The following CD44 variants were observed in gnomAD, a reference collection of about 807,000 sequenced individuals.
CD44 encodes the protein CD44 antigen.
A neutral mutation model predicts 88.8 loss-of-function variants in CD44; 49 were observed. That is an observed-to-expected ratio of 0.55 (90% CI 0.44 to 0.70). CD44 has a LOEUF of 0.70. Among genes scored for constraint, CD44 ranks in the 30% least tolerant of loss-of-function variants. The probability of loss-of-function intolerance (pLI) is 0.00; values close to 1 mark genes in which losing one functional copy is unlikely to be tolerated. For missense variants in CD44, 883 were observed against 913.8 expected (o/e 0.97, Z 0.43); for synonymous variants, 325 against 312.3 (o/e 1.04, Z -0.43).
chr11:35,141,861 G>A (rs1357439022), intron 1 of CD44, among the ~76,000 whole-genome samples: 2 of 152,196 alleles, frequency 1.3e-5, no homozygotes, highest in Admixed American at 1.3e-4. Context: ...TGTGGGTGGC[G>A]AAGGGGAGAA....
chr11:35,171,331 G>A (rs1943861417), intron 1 of CD44, among the ~76,000 whole-genome samples: 1 of 152,214 alleles, frequency 6.6e-6, no homozygotes, highest in African/African-American at 2.4e-5. Context: ...CACCATTCTT[G>A]CAACTCCTAA....
chr11:35,155,980 A>G (rs1438651202), intron 1 of CD44, among the ~76,000 whole-genome samples: 1 of 152,186 alleles, frequency 6.6e-6, no homozygotes, highest in Non-Finnish European at 1.5e-5. Flanking sequence ...CAAGGTTATG[A>G]AAGGTCAAGA....
At chr11:35,184,115 G>A (rs764282456) in intron 3 of CD44, among the ~76,000 whole-genome samples, 4 of 152,046 alleles carry the variant, frequency 2.6e-5, no homozygotes, top group Non-Finnish European at 5.9e-5. Flanking sequence ...GCAGTACAGA[G>A]CTCATTAAAT....
intron 14 of CD44, among the ~76,000 whole-genome samples, chr11:35,212,375 G>C (rs1948470398): frequency 6.6e-6 from 1 of 151,898 alleles, no homozygotes; most frequent in Non-Finnish European, 1.5e-5. Context: ...AGAAAAAGAA[G>C]AATTCATATG....
At chr11:35,225,380 C>T (rs1281546856) in intron 17 of CD44, among the ~76,000 whole-genome samples, 3 of 152,146 alleles carry the variant, frequency 2.0e-5, no homozygotes, top group Non-Finnish European at 4.4e-5. Context: ...GCCAGCCTGC[C>T]CTCTCTTTCC....
chr11:35,153,417 C>A (rs957933412), intron 1 of CD44, among the ~76,000 whole-genome samples: 10 of 152,226 alleles, frequency 6.6e-5, no homozygotes, highest in African/African-American at 2.4e-4. Context: ...TTTTTTTATC[C>A]TTTTTGACTT....
At chr11:35,195,696 A>G (rs1015654311) in intron 5 of CD44, among the ~76,000 whole-genome samples, 3 of 151,960 alleles carry the variant, frequency 2.0e-5, no homozygotes, top group Admixed American at 2.0e-4. Context: ...ATTTTTGGGC[A>G]TTATTGGTTA....
chr11:35,227,191 C>G (rs1349419117), intron 17 of CD44, among the ~76,000 whole-genome samples: 1 of 151,244 alleles, frequency 6.6e-6, no homozygotes, highest in Non-Finnish European at 1.5e-5. Flanking sequence ...TGCCTGGTCT[C>G]TTTTTCTTTT....
intron 7 of CD44, chr11:35,198,670 T>C (rs1946993600): frequency 6.4e-6 from 1 of 155,722 alleles, no homozygotes; most frequent in Non-Finnish European, 1.4e-5. Context: ...AAGAATGTGA[T>C]GAGGAGGGTA....
chr11:35,148,723 C>T (rs1485215909), intron 1 of CD44, among the ~76,000 whole-genome samples: 3 of 152,210 alleles, frequency 2.0e-5, no homozygotes, highest in South Asian at 2.1e-4. Flanking sequence ...TAGCCCTGAG[C>T]GGTCAGCACA....
intron 11 of CD44, among the ~76,000 whole-genome samples, chr11:35,206,593 G>T (rs530728332): frequency 6.6e-6 from 1 of 150,412 alleles, no homozygotes; most frequent in African/African-American, 2.4e-5. Context: ...ATCACAGAAA[G>T]GTGAATTGGA....
In CD44 at chr11:35,222,240, C is replaced by A. The variant is rs552887110; in HGVS notation, c.2024+508C>A. The stretch of plus-strand genomic sequence containing the variant: ...TGTAGCCTCTCTGAGGCCCAGGGAA[C>A]CTTTAAGAACTTTTACCAGAAGGAA... On this transcript the variant is annotated intron_variant, in intron 17 of 17. Coordinates refer to ENST00000428726, the MANE Select transcript of CD44 (RefSeq NM_000610.4). The A allele has an allele frequency of 1.6e-5, 6 of 384,764 alleles. No homozygotes were observed. The East Asian group carries it at 2.5e-4, about 16-fold the overall frequency. The allele number at this position is 384,764 out of a possible 1,614,324, so 23.8% of individuals were successfully genotyped here.
intron 14 of CD44, among the ~76,000 whole-genome samples, chr11:35,212,396 T>G (rs1948474784): frequency 6.7e-6 from 1 of 148,614 alleles, no homozygotes; most frequent in South Asian, 2.1e-4. Flanking sequence ...TGTGCATATA[T>G]ATATAATTTT....
intron 4 of CD44, among the ~76,000 whole-genome samples, chr11:35,187,440 A>AT (rs1001125553): frequency 1.2e-4 from 18 of 151,684 alleles, no homozygotes; most frequent in African/African-American, 4.8e-5. Flanking sequence ...CCACTTTCAC[A>AT]TTTTTTTTGG....
At chr11:35,214,971 C>T in intron 15 of CD44, 57 bp downstream of exon 15, 3 of 1,083,656 alleles carry the variant, frequency 2.8e-6, no homozygotes, top group Non-Finnish European at 3.9e-6. Flanking sequence ...CTAATGATGA[C>T]TACCAACGAA....
chr11:35,180,053 G>A (rs1180412667), intron 2 of CD44, among the ~76,000 whole-genome samples: 2 of 151,676 alleles, frequency 1.3e-5, no homozygotes, highest in African/African-American at 2.4e-5. Flanking sequence ...CTCTTTATAG[G>A]TCTCTAAATA....
intron 17 of CD44, among the ~76,000 whole-genome samples, chr11:35,227,125 A>C (rs1949759591): frequency 6.6e-6 from 1 of 152,006 alleles, no homozygotes; most frequent in Non-Finnish European, 1.5e-5. Context: ...TCCTGACCTC[A>C]AGTGATCCTT....
chr11:35,211,018 A>G (rs1948341274), intron 13 of CD44, among the ~76,000 whole-genome samples: 1 of 152,206 alleles, frequency 6.6e-6, no homozygotes, highest in African/African-American at 2.4e-5. Flanking sequence ...ACAAATGCCA[A>G]TTCTGGGTAT....
chr11:35,182,256 C>G (rs1221643361), intron 3 of CD44, among the ~76,000 whole-genome samples: 1 of 151,684 alleles, frequency 6.6e-6, no homozygotes, highest in Non-Finnish European at 1.5e-5. Flanking sequence ...TGGCTTTAGT[C>G]TACACCACCT....
Sources: allele counts gnomAD v4.1 joint callset (sites outside exome capture counted in the v4.1 genomes callset), GRCh38; gene constraint gnomAD v4.1.1; transcripts MANE v1.5; gene names NCBI Gene and HGNC (gene_info 2026-07-23, HGNC 2026-07-21).